KAT6B: variants seen among roughly 807,000 people sequenced by gnomAD.
The protein encoded by KAT6B is lysine acetyltransferase 6B, also known as histone acetyltransferase KAT6B.
KAT6B carries 10 observed loss-of-function variants against 187.5 expected under a neutral mutation model. The ratio of observed to expected loss-of-function variants is 0.05; its 90% confidence interval spans 0.03 to 0.09. KAT6B has a LOEUF of 0.09. KAT6B is among the 10% of genes least tolerant of loss of function. The pLI is 1.00. For synonymous variants in KAT6B, 861 were observed against 926.8 expected (o/e 0.93, Z 1.29); for missense variants, 1,952 against 2,558.9 (o/e 0.76, Z 5.12).
At chr10:74,968,610 C>A (rs1374600785) in intron 4 of KAT6B, among the ~76,000 whole-genome samples, 1 of 152,174 alleles carries the variant, frequency 6.6e-6, no homozygotes, top group Non-Finnish European at 1.5e-5. Flanking sequence ...ATTGCAGAAT[C>A]TGCTTTTTTT....
intron 13 of KAT6B, among the ~76,000 whole-genome samples, chr10:74,993,745 T>A (rs899751082): frequency 2.6e-5 from 4 of 152,304 alleles, no homozygotes; most frequent in African/African-American, 7.2e-5. Flanking sequence ...GATTTTGATA[T>A]TTTTTAAGCA....
intron 3 of KAT6B, among the ~76,000 whole-genome samples, chr10:74,882,990 T>C (rs944627399): frequency 6.6e-6 from 1 of 152,200 alleles, no homozygotes; most frequent in Non-Finnish European, 1.5e-5. Context: ...TAATAGTATA[T>C]ATATATGGGA....
At chr10:74,881,991 C>T (rs556142568) in intron 3 of KAT6B, among the ~76,000 whole-genome samples, 6 of 152,256 alleles carry the variant, frequency 3.9e-5, no homozygotes, top group South Asian at 2.1e-4. Flanking sequence ...GGCTTCCTTC[C>T]GAGGTTGACC....
At chr10:74,863,153 A>G (rs529248156) in intron 3 of KAT6B, among the ~76,000 whole-genome samples, 185 of 152,312 alleles carry the variant, frequency 1.2e-3, no homozygotes, top group Middle Eastern at 6.8e-3. Flanking sequence ...GACTATAAAG[A>G]TAACTACTGT....
intron 12 of KAT6B, among the ~76,000 whole-genome samples, chr10:74,985,913 G>A (rs1055710959): frequency 6.6e-6 from 1 of 152,124 alleles, no homozygotes; most frequent in African/African-American, 2.4e-5. Flanking sequence ...GGGCCTGGTG[G>A]TGCACGCCTG....
Position 75,028,720 on chromosome 10 carries a change from A to G in KAT6B, c.3896A>G (p.Lys1299Arg). The G allele has an allele frequency of 6.2e-7, 1 of 1,614,024 alleles. No individual in the cohort carries two copies. The highest frequency in any genetic ancestry group is 8.5e-7 in the Non-Finnish European group (1 of 1,180,008). Reference protein sequence around the residue: ...VEEQKETSEGKTSPSPIRIEE... With the variant: ...VEEQKETSEGRTSPSPIRIEE... ...GAACAGAAGGAGACTTCAGAAGGAA[A>G]AACCAGCCCCAGTCCCATCAGGATT... The change falls in exon 18 of 18, where the codon AAA becomes AGA. Residue 1299 changes from lysine to arginine, a missense_variant. By Grantham distance (26) the Lys-to-Arg change is conservative. Coordinates refer to ENST00000287239, the MANE Select transcript of KAT6B (RefSeq NM_012330.4).
At chr10:74,969,950 T>C in intron 5 of KAT6B, 70 bp from the exon 6 acceptor site, 1 of 1,182,432 alleles carries the variant, frequency 8.5e-7, no homozygotes, top group East Asian at 2.4e-5. Context: ...GTTAATCCAG[T>C]AACAAAAGAA....
chr10:74,901,020 A>G (rs1262210996), intron 3 of KAT6B, among the ~76,000 whole-genome samples: 1 of 152,110 alleles, frequency 6.6e-6, no homozygotes, highest in Non-Finnish European at 1.5e-5. Flanking sequence ...TATTTTAAGT[A>G]TAAAATCTTA....
At chr10:74,856,759 G>T (rs1371963681) in intron 3 of KAT6B, among the ~76,000 whole-genome samples, 3 of 152,040 alleles carry the variant, frequency 2.0e-5, no homozygotes, top group Non-Finnish European at 4.4e-5. Context: ...AAATCAGCTG[G>T]GCGTGGTGGC....
chr10:74,961,883 G>T (rs780027380), intron 4 of KAT6B, among the ~76,000 whole-genome samples: 3 of 152,188 alleles, frequency 2.0e-5, no homozygotes, highest in Non-Finnish European at 4.4e-5. Flanking sequence ...ATGACTTGAG[G>T]ATACTGTCCA....
chr10:74,864,205 A>ACTAC (rs536892779), intron 3 of KAT6B, among the ~76,000 whole-genome samples: 4,921 of 151,734 alleles, frequency 0.032, 129 homozygotes, highest in South Asian at 0.087. Flanking sequence ...AGTAGCTAGG[A>ACTAC]CTACAGGTGC....
At chr10:74,895,067 T>C (rs1206987245) in intron 3 of KAT6B, among the ~76,000 whole-genome samples, 1 of 152,118 alleles carries the variant, frequency 6.6e-6, no homozygotes, top group East Asian at 1.9e-4. Context: ...ACTTGGTTTT[T>C]TTTTTTTTGC....
At chr10:74,877,354 G>A (rs1483085449) in intron 3 of KAT6B, among the ~76,000 whole-genome samples, 3 of 152,206 alleles carry the variant, frequency 2.0e-5, no homozygotes, top group Non-Finnish European at 4.4e-5. Context: ...TTTAGGAAAA[G>A]GGGGGCTGAT....
At chr10:74,905,779 A>G (rs903783993) in intron 3 of KAT6B, among the ~76,000 whole-genome samples, 2 of 152,104 alleles carry the variant, frequency 1.3e-5, no homozygotes, top group African/African-American at 2.4e-5. Context: ...ATAAAAAGCA[A>G]ACTGACTCTT....
chr10:74,925,978 A>G (rs1214569906), intron 3 of KAT6B, among the ~76,000 whole-genome samples: 1 of 152,248 alleles, frequency 6.6e-6, no homozygotes, highest in African/African-American at 2.4e-5. Flanking sequence ...AACAAGATAC[A>G]GATAACTGCG....
chr10:74,937,629 G>A (rs1849358309), intron 3 of KAT6B, among the ~76,000 whole-genome samples: 1 of 152,164 alleles, frequency 6.6e-6, no homozygotes, highest in Admixed American at 6.5e-5. Context: ...TAGAGACAGG[G>A]TAATGCAATG....
chr10:74,834,737 C>T (rs1428764937), intron 1 of KAT6B, among the ~76,000 whole-genome samples: 1 of 152,086 alleles, frequency 6.6e-6, no homozygotes, highest in Admixed American at 6.5e-5. Flanking sequence ...CTAGGCTTGT[C>T]TCGAGCTCCT....
At chr10:74,970,172 C>A in intron 6 of KAT6B, 71 bp downstream of exon 6, 1 of 1,151,360 alleles carries the variant, frequency 8.7e-7, no homozygotes, top group Non-Finnish European at 1.3e-6. Flanking sequence ...GGTCTGACAG[C>A]TCAGAGGTAT....
chr10:74,973,291 CAGTA>C (rs1841959481), intron 7 of KAT6B, among the ~76,000 whole-genome samples: 1 of 152,108 alleles, frequency 6.6e-6, no homozygotes, highest in African/African-American at 2.4e-5. Context: ...CATTAAAGCC[CAGTA>C]GAGCATTTAG....
Sources: gnomAD v4.1 joint callset for allele counts (sites outside exome capture counted in the v4.1 genomes callset) on GRCh38, gnomAD v4.1.1 for gene constraint, MANE v1.5 for transcripts, NCBI Gene and HGNC (gene_info 2026-07-23, HGNC 2026-07-21) for gene names.